GOT1: variants seen among roughly 807,000 people sequenced by gnomAD.
GOT1 encodes aspartate aminotransferase, cytoplasmic.
A neutral mutation model predicts 48.2 loss-of-function variants in GOT1; 25 were observed. That is an observed-to-expected ratio of 0.52 (90% confidence interval 0.38 to 0.72). The LOEUF (loss-of-function observed/expected upper bound fraction) is 0.72. Ranked by LOEUF, GOT1 falls within the 30% of genes least tolerant of loss-of-function variation. The pLI is 0.00. For missense variants in GOT1, 380 were observed against 520.1 expected (o/e 0.73, Z 2.62); for synonymous variants, 188 against 193.8 (o/e 0.97, Z 0.25).
At position 99,401,877 on chromosome 10, in the gene GOT1, G is replaced by A. The variant is rs1038727062; in HGVS notation, c.1102+703C>T. ...GGCTGGAGTGCAGTGGTGCGGTCTC[G>A]ACTCACTGCAAGCTCTGCCTCCTGG... is the stretch of plus-strand genomic sequence containing the variant. On this transcript the variant is annotated intron_variant, in intron 8 of 8. Transcript: ENST00000370508. 2.6e-5 allele frequency among the ~76,000 whole-genome samples: 4 copies of A among 151,134 alleles called. No homozygotes were observed. The East Asian group carries it at 8.0e-4, about 30-fold the overall frequency.
intron 2 of GOT1, 178 bp downstream of exon 2, chr10:99,420,446 C>T (rs1224989803): frequency 2.5e-5 from 14 of 560,010 alleles, no homozygotes; most frequent in African/African-American, 9.4e-5. Flanking sequence ...GTGAAAAAGC[C>T]GTGCTTTGTA....
At position 99,416,700 on chromosome 10, in the gene GOT1, A is replaced by G. The variant is rs191858101; in HGVS notation, c.300+3924T>C. ...ACTACACTACAAGGCTACAGTAACCAAAACAGCATGGTACTGGTACCAAAA... is the reference window on the plus strand; with the variant it reads ...ACTACACTACAAGGCTACAGTAACCGAAACAGCATGGTACTGGTACCAAAA... On this transcript the variant is annotated intron_variant, in intron 2 of 8. Coordinates refer to ENST00000370508, the MANE Select transcript of GOT1 (RefSeq NM_002079.3). Among the ~76,000 whole-genome samples, 17 of 152,332 alleles carry G rather than the reference A, an allele frequency of 1.1e-4. No individual in the cohort carries two copies. The East Asian group carries it at 2.9e-3, about 26-fold the overall frequency.
intron 2 of GOT1, among the ~76,000 whole-genome samples, 193 bp from the exon 3 acceptor site, chr10:99,407,042 C>CT (rs1485450866): frequency 6.6e-6 from 1 of 152,206 alleles, no homozygotes; most frequent in Non-Finnish European, 1.5e-5. Flanking sequence ...ACTGAGGAAA[C>CT]TGAGGCTGAG....
intron 2 of GOT1, among the ~76,000 whole-genome samples, chr10:99,419,356 T>G (rs1202096077): frequency 6.6e-6 from 1 of 152,162 alleles, no homozygotes; most frequent in East Asian, 1.9e-4. Context: ...AACAACACTT[T>G]TATTGGGTAA....
At chr10:99,411,675 T>A (rs1018221404) in intron 2 of GOT1, among the ~76,000 whole-genome samples, 2 of 152,212 alleles carry the variant, frequency 1.3e-5, no homozygotes, top group African/African-American at 4.8e-5. Flanking sequence ...TAGAGTCTGT[T>A]CCTCTCCCCG....
At chr10:99,399,298 T>C (rs897770176) in intron 8 of GOT1, among the ~76,000 whole-genome samples, 2 of 152,190 alleles carry the variant, frequency 1.3e-5, no homozygotes, top group African/African-American at 4.8e-5. Context: ...ACCTGTCTTA[T>C]CTACATAATA....
intron 2 of GOT1, among the ~76,000 whole-genome samples, chr10:99,411,375 T>C (rs1258192151): frequency 1.3e-5 from 2 of 152,126 alleles, no homozygotes; most frequent in African/African-American, 4.8e-5. Context: ...GTCTAGAAAA[T>C]AGGTCTCCTC....
Position 99,406,753 on chromosome 10 carries a change from G to A in GOT1, c.397C>T (p.Pro133Ser), listed in dbSNP as rs749267346. Reference protein sequence around the residue: ...WYNGTNNKNTPVYVSSPTWEN... With the variant: ...WYNGTNNKNTSVYVSSPTWEN... ...CAGGTTGGTGAGGACACATAGACAG[G>A]TGTGTTCTTGTTGTTTGTTCCATTG... Residue 133 changes from proline to serine, a missense_variant, in exon 3 of 9, where the codon CCT (proline) becomes TCT (serine). Pro to Ser is a moderately conservative substitution (Grantham distance 74, BLOSUM62 -1). Transcript: ENST00000370508. The A allele has an allele frequency of 1.1e-5, 17 of 1,613,724 alleles. No individual in the cohort carries two copies. In the African/African-American group the frequency reaches 2.0e-4, roughly 19 times the overall value.
At chr10:99,422,726 A>G (rs1424819348) in intron 1 of GOT1, among the ~76,000 whole-genome samples, 1 of 152,152 alleles carries the variant, frequency 6.6e-6, no homozygotes. Context: ...AGCTTCTTAC[A>G]TATGCCCTTT....
rs2033105051 is a variant in GOT1 at position 99,430,480 on chromosome 10, G to A, written c.86C>T (p.Pro29Leu). 6.2e-7 allele frequency: 1 copy of A among 1,611,604 alleles called. No homozygotes were observed. ...TCCCAGGTTGACCTTGCGGGGGTCC[G>A]GATCCTCCCTGAAGTCGGCAGTGAG... ...FKLTADFRED[P>L]DPRKVNLGVG... The change falls in exon 1 of 9, where the codon CCG becomes CTG. Residue 29 changes from proline (P) to leucine (L), a missense_variant. Pro to Leu is a moderately conservative substitution (Grantham distance 98). Transcript: ENST00000370508.
chr10:99,416,548 C>A (rs1045563589), intron 2 of GOT1, among the ~76,000 whole-genome samples: 105 of 152,210 alleles, frequency 6.9e-4, no homozygotes, highest in Non-Finnish European at 8.7e-4. Context: ...ATGCCATCCC[C>A]ATCAACCTAC....
intron 1 of GOT1, among the ~76,000 whole-genome samples, chr10:99,422,792 C>T (rs2032987737): frequency 6.6e-6 from 1 of 152,170 alleles, no homozygotes; most frequent in South Asian, 2.1e-4. Flanking sequence ...CTTGCTTTTT[C>T]CACTTGAAAA....
intron 2 of GOT1, among the ~76,000 whole-genome samples, chr10:99,412,344 T>G (rs2032837433): frequency 1.4e-5 from 2 of 145,190 alleles, no homozygotes; most frequent in African/African-American, 2.6e-5. Flanking sequence ...GCGGTGGGGG[T>G]GGGGAGTGGG....
At chr10:99,418,012 G>T (rs2032919016) in intron 2 of GOT1, among the ~76,000 whole-genome samples, 3 of 150,612 alleles carry the variant, frequency 2.0e-5, no homozygotes, top group Non-Finnish European at 3.0e-5. Context: ...TAACAAACCT[G>T]CATGTTATGC....
At chr10:99,413,848 T>C (rs983522170) in intron 2 of GOT1, among the ~76,000 whole-genome samples, 2 of 152,126 alleles carry the variant, frequency 1.3e-5, no homozygotes, top group African/African-American at 4.8e-5. Flanking sequence ...CTAAGCTTCA[T>C]AAGTGAAGGA....
chr10:99,428,370 T>C (rs759139242), intron 1 of GOT1, among the ~76,000 whole-genome samples: 9 of 152,060 alleles, frequency 5.9e-5, no homozygotes, highest in Non-Finnish European at 8.8e-5. Flanking sequence ...TTTTTCTTTC[T>C]TTCTTGAGAC....
At chr10:99,421,614 A>T (rs1313903999) in intron 1 of GOT1, among the ~76,000 whole-genome samples, 1 of 151,534 alleles carries the variant, frequency 6.6e-6, no homozygotes, top group Non-Finnish European at 1.5e-5. Flanking sequence ...TGAGTTATCC[A>T]GCACCAATTT....
At chr10:99,403,142 G>A (rs998260266) in intron 7 of GOT1, among the ~76,000 whole-genome samples, 5 of 151,924 alleles carry the variant, frequency 3.3e-5, no homozygotes, top group African/African-American at 7.3e-5. Flanking sequence ...CTCCCAAACT[G>A]TTAAACTGCC....
At chr10:99,416,542 C>T (rs1265732995) in intron 2 of GOT1, among the ~76,000 whole-genome samples, 1 of 152,182 alleles carries the variant, frequency 6.6e-6, no homozygotes, top group Non-Finnish European at 1.5e-5. Context: ...GATTCAATGC[C>T]ATCCCCATCA....
Sources: allele counts gnomAD v4.1 joint callset (sites outside exome capture counted in the v4.1 genomes callset), GRCh38; gene constraint gnomAD v4.1.1; transcripts MANE v1.5; gene names NCBI Gene and HGNC (gene_info 2026-07-23, HGNC 2026-07-21).